DENND5B: variants seen among roughly 807,000 people sequenced by gnomAD.
DENND5B encodes DENN domain containing 5B.
DENND5B carries 34 observed loss-of-function variants against 140.6 expected under a neutral mutation model. The observed-to-expected ratio is 0.24, with a 90% CI of 0.18 to 0.32. The LOEUF (loss-of-function observed/expected upper bound fraction) is 0.32. DENND5B is among the 10% of genes least tolerant of loss of function. The probability of loss-of-function intolerance (pLI) is 1.00; values close to 1 mark genes in which losing one functional copy is unlikely to be tolerated. For synonymous variants in DENND5B, 551 were observed against 562.1 expected (o/e 0.98, Z 0.28); for missense variants, 1,142 against 1,560.2 (o/e 0.73, Z 4.52).
rs183480757 is a variant in DENND5B at position 31,570,795 on chromosome 12, C to G, written c.127+19911G>C. On this transcript the variant is annotated intron_variant, in intron 1 of 20. Coordinates refer to ENST00000389082, the MANE Select transcript of DENND5B (RefSeq NM_144973.4). ...GTAACTGTCCCTTCTTAGGTTATACCTTCTTAGGTTATCTCAAGGTCTTTG... is the reference window on the plus strand; with the variant it reads ...GTAACTGTCCCTTCTTAGGTTATACGTTCTTAGGTTATCTCAAGGTCTTTG... Among the ~76,000 whole-genome samples the G allele has an allele frequency of 7.9e-5, 12 of 151,942 alleles. No homozygotes were observed. The East Asian group carries it at 2.3e-3, about 29-fold the overall frequency.
chr12:31,564,444 C>T (rs1949565679), intron 1 of DENND5B, among the ~76,000 whole-genome samples: 1 of 151,846 alleles, frequency 6.6e-6, no homozygotes, highest in Non-Finnish European at 1.5e-5. Context: ...AAAAAGTGTG[C>T]CAGATGGGTT....
chr12:31,542,016 AT>A (rs1273685653), intron 1 of DENND5B, among the ~76,000 whole-genome samples: 6 of 152,204 alleles, frequency 3.9e-5, no homozygotes, highest in African/African-American at 1.4e-4. Flanking sequence ...GGTCAGGCAC[AT>A]TGGCTCACGC....
intron 12 of DENND5B, among the ~76,000 whole-genome samples, chr12:31,414,716 A>G (rs1942631279): frequency 6.6e-6 from 1 of 151,976 alleles, no homozygotes; most frequent in Admixed American, 6.6e-5. Context: ...GTGGATCATG[A>G]GGTCAGATCG....
At chr12:31,417,750 C>T (rs1055371717) in intron 11 of DENND5B, among the ~76,000 whole-genome samples, 3 of 152,048 alleles carry the variant, frequency 2.0e-5, no homozygotes, top group East Asian at 1.9e-4. Flanking sequence ...CAATGAGATG[C>T]CATGGAGTTT....
rs373615130 is a variant in DENND5B, at chr12:31,409,315, A to C, written c.2751T>G (p.Leu917=). The C allele has an allele frequency of 1.1e-5, 18 of 1,569,578 alleles. No homozygotes were observed. In the East Asian group the frequency reaches 2.6e-4, roughly 22 times the overall value. Residue 917 remains leucine, a synonymous_variant, in exon 14 of 21, where the codon CTT becomes CTG. Transcript: ENST00000389082. The part of the protein sequence containing the change: ...EEREQFLYHL[L]SLNAVDYFCF... Reference sequence around the variant, plus strand: ...AGAAATAGTCCACAGCATTGAGAGAAAGAAGGTGGTAAAGAAACTGCTCTC... The same window carrying C: ...AGAAATAGTCCACAGCATTGAGAGACAGAAGGTGGTAAAGAAACTGCTCTC...
chr12:31,405,511 C>CATGTATGTATGTATGTATGTATGT (rs55808642), intron 14 of DENND5B, among the ~76,000 whole-genome samples: 4 of 144,586 alleles, frequency 2.8e-5, no homozygotes, highest in East Asian at 2.1e-4. Context: ...AGCCACCTGC[C>CATGTATGTATGTATGTATGTATGT]ATGTATGTAT....
intron 1 of DENND5B, among the ~76,000 whole-genome samples, chr12:31,584,161 AGTCT>A (rs778653709): frequency 3.6e-4 from 55 of 152,342 alleles, no homozygotes; most frequent in Non-Finnish European, 6.9e-4. Context: ...ATTTTAGGAC[AGTCT>A]GTCTTAACAC....
chr12:31,508,925 GAA>G (rs1341690508), intron 1 of DENND5B, among the ~76,000 whole-genome samples: 1 of 151,966 alleles, frequency 6.6e-6, no homozygotes, highest in Non-Finnish European at 1.5e-5. Flanking sequence ...TTTTGAAATA[GAA>G]AAAAGTCAAG....
chr12:31,424,631 T>A lies in DENND5B; in HGVS notation c.2295A>T (p.Gly765=), dbSNP rs373683570. 17 of 1,613,840 alleles carry A rather than the reference T, an allele frequency of 1.1e-5. No individual in the cohort carries two copies. The highest frequency in any genetic ancestry group is 1.7e-5 in the Admixed American group (1 of 59,982). Residue 765 remains glycine (G), a synonymous_variant, in exon 10 of 21, where the codon GGA becomes GGT. Transcript: ENST00000389082. ...MGHEAVELGH[G]EANITGLEEN... ...CCTCCAGGCCGGTGATGTTTGCTTC[T>A]CCATGGCCAAGTTCCACCGCTTCAT... is the stretch of plus-strand genomic sequence containing the variant.
intron 2 of DENND5B, among the ~76,000 whole-genome samples, chr12:31,488,428 C>T (rs993363883): frequency 6.6e-6 from 1 of 152,164 alleles, no homozygotes; most frequent in African/African-American, 2.4e-5. Flanking sequence ...GCCAAATATT[C>T]CCTTAAGGGT....
intron 13 of DENND5B, among the ~76,000 whole-genome samples, chr12:31,410,064 TAATA>T (rs749874502): frequency 3.9e-5 from 6 of 152,190 alleles, no homozygotes; most frequent in Non-Finnish European, 8.8e-5. Context: ...ACTTTTAACC[TAATA>T]ATTAAGGAAA....
chr12:31,441,473 C>G (rs141712580), intron 7 of DENND5B, among the ~76,000 whole-genome samples: 1 of 151,934 alleles, frequency 6.6e-6, no homozygotes, highest in Non-Finnish European at 1.5e-5. Flanking sequence ...CAGGCGTGAG[C>G]CACCGTGCCT....
intron 3 of DENND5B, among the ~76,000 whole-genome samples, chr12:31,473,776 G>C (rs1212785840): frequency 6.6e-6 from 1 of 152,166 alleles, no homozygotes. Flanking sequence ...ACTCTAATGG[G>C]AGAGGACAGT....
At chr12:31,500,951 A>G (rs1446059684) in intron 1 of DENND5B, among the ~76,000 whole-genome samples, 2 of 152,198 alleles carry the variant, frequency 1.3e-5, no homozygotes, top group Admixed American at 1.3e-4. Context: ...AACCTATAGT[A>G]TATCTGATAA....
chr12:31,509,576 G>T (rs1053782806), intron 1 of DENND5B, among the ~76,000 whole-genome samples: 14 of 152,216 alleles, frequency 9.2e-5, no homozygotes, highest in African/African-American at 3.1e-4. Context: ...AAAAAAGTTT[G>T]GTTGTTTTAA....
At chr12:31,447,134 G>C (rs139509652) in intron 6 of DENND5B, among the ~76,000 whole-genome samples, 107 of 152,082 alleles carry the variant, frequency 7.0e-4, no homozygotes, top group Middle Eastern at 3.4e-3. Flanking sequence ...AGTCAGGCGT[G>C]ATGGTGCGTG....
chr12:31,542,675 G>A (rs941156479), intron 1 of DENND5B, among the ~76,000 whole-genome samples: 1 of 152,164 alleles, frequency 6.6e-6, no homozygotes, highest in African/African-American at 2.4e-5. Flanking sequence ...TTAAAAATGG[G>A]TAGGGCACGG....
In DENND5B at chr12:31,548,467, C is replaced by T. The variant is rs546413561; in HGVS notation, c.127+42239G>A. On this transcript the variant is annotated intron_variant, in intron 1 of 20. Coordinates refer to ENST00000389082, the MANE Select transcript of DENND5B (RefSeq NM_144973.4). ...GAAGCAGAACCCACAGTATCTAAGA[C>T]CAGGTTCTTTTCCTGGCAAGACATA... Among the ~76,000 whole-genome samples, 10 of 152,002 alleles carry T rather than the reference C, an allele frequency of 6.6e-5. No individual in the cohort carries two copies. The South Asian group carries it at 1.7e-3, about 25-fold the overall frequency.
rs1455510039 is a variant in DENND5B at position 31,383,790 on chromosome 12, A to C, written c.*3813T>G. ...ATGCTTCCAACATCAGTGTAATGCC[A>C]CTGTGTCATAAAGGTCAAGATTAGG... On this transcript the variant is annotated 3_prime_UTR_variant, in exon 21 of 21. Coordinates refer to ENST00000389082, the MANE Select transcript of DENND5B (RefSeq NM_144973.4). 2 of 152,190 alleles carry C rather than the reference A, an allele frequency of 1.3e-5. No individual in the cohort carries two copies. Among genetic ancestry groups the C allele is most frequent in the African/African-American group, 2.4e-5 (1 of 41,444 alleles). 9.4% of individuals were successfully genotyped at this position (152,190 alleles called of 1,614,324 possible).
Sources: allele counts gnomAD v4.1 joint callset (sites outside exome capture counted in the v4.1 genomes callset), GRCh38; gene constraint gnomAD v4.1.1; transcripts MANE v1.5; gene names NCBI Gene and HGNC (gene_info 2026-07-23, HGNC 2026-07-21).